ERC2: variants seen among roughly 807,000 people sequenced by gnomAD.
The protein encoded by ERC2 is ERC protein 2.
ERC2 carries 42 observed loss-of-function variants against 114.8 expected under a neutral mutation model. The ratio of observed to expected loss-of-function variants is 0.37; its 90% confidence interval spans 0.29 to 0.47. ERC2 has a LOEUF of 0.47. ERC2 is among the 20% of genes least tolerant of loss of function. ERC2 has a pLI of 0.99. For synonymous variants in ERC2, 454 were observed against 425.5 expected, an observed-to-expected ratio of 1.07 and a Z score of -0.82; for missense variants, 939 against 1,150.7, an observed-to-expected ratio of 0.82 and a Z score of 2.66.
chr3:56,410,325 C>T (rs1233962689), intron 2 of ERC2, among the ~76,000 whole-genome samples: 1 of 152,110 alleles, frequency 6.6e-6, no homozygotes, highest in East Asian at 1.9e-4. Flanking sequence ...ATTAAATGTA[C>T]CACACAATAT....
At chr3:55,542,621 A>T (rs1401764359) in intron 17 of ERC2, among the ~76,000 whole-genome samples, 1 of 152,266 alleles carries the variant, frequency 6.6e-6, no homozygotes, top group Non-Finnish European at 1.5e-5. Flanking sequence ...AGAAAAAAGG[A>T]ATATGAAAAG....
chr3:55,613,514 T>C (rs543147355), intron 17 of ERC2, among the ~76,000 whole-genome samples: 3 of 152,118 alleles, frequency 2.0e-5, no homozygotes, highest in African/African-American at 7.2e-5. Flanking sequence ...TTCTTTTAGG[T>C]GGGAGAGGTT....
intron 3 of ERC2, among the ~76,000 whole-genome samples, chr3:56,266,131 A>ATT (rs747696056): frequency 0.19 from 21,204 of 112,174 alleles, 3,563 homozygotes; most frequent in Non-Finnish European, 0.25. Context: ...AAATAACTAG[A>ATT]TTTTTTTTTT....
intron 7 of ERC2, among the ~76,000 whole-genome samples, chr3:56,040,674 AGATAC>A (rs2075126105): frequency 3.0e-5 from 1 of 33,348 alleles, no homozygotes; most frequent in Non-Finnish European, 6.8e-5. Context: ...ATATATAGAT[AGATAC>A]ATATATCTCT....
In ERC2 at chr3:56,200,424, G is replaced by A. The variant is rs1343332501; in HGVS notation, c.1075-26904C>T. On this transcript the variant is annotated intron_variant, in intron 3 of 17. Coordinates refer to ENST00000288221, the MANE Select transcript of ERC2 (RefSeq NM_015576.3). ...CCTCCCAGCTCTAACAAGTTACTCAGATTAATCAGTTCCTCCCACCAGGGC... is the reference window on the plus strand; with the variant it reads ...CCTCCCAGCTCTAACAAGTTACTCAAATTAATCAGTTCCTCCCACCAGGGC... 2.0e-5 allele frequency among the ~76,000 whole-genome samples: 3 copies of A among 151,106 alleles called. No homozygotes were observed. In the East Asian group the frequency reaches 5.8e-4, roughly 29 times the overall value.
chr3:56,273,271 T>TTTTTTTTTTTTTTG (rs1187636050), intron 3 of ERC2, among the ~76,000 whole-genome samples: 1 of 150,864 alleles, frequency 6.6e-6, no homozygotes. Flanking sequence ...TCTTTTTTTT[T>TTTTTTTTTTTTTTG]TTTTTTTGGT....
At chr3:55,990,132 A>G (rs2070943060) in intron 11 of ERC2, among the ~76,000 whole-genome samples, 1 of 152,208 alleles carries the variant, frequency 6.6e-6, no homozygotes, top group Non-Finnish European at 1.5e-5. Flanking sequence ...TCCATCTAAA[A>G]TCACAGTGCT....
chr3:55,770,145 CCAAA>C (rs1315851758), intron 14 of ERC2, among the ~76,000 whole-genome samples: 1 of 152,132 alleles, frequency 6.6e-6, no homozygotes, highest in East Asian at 1.9e-4. Context: ...ATGGCATATC[CCAAA>C]CAGAGGCTGC....
intron 2 of ERC2, among the ~76,000 whole-genome samples, chr3:56,315,138 A>G (rs2056803100): frequency 6.6e-6 from 1 of 152,212 alleles, no homozygotes; most frequent in African/African-American, 2.4e-5. Context: ...ACACATTCCA[A>G]CCAAGATGAA....
intron 14 of ERC2, among the ~76,000 whole-genome samples, chr3:55,866,492 T>C (rs1575925039): frequency 1.3e-5 from 2 of 152,208 alleles, no homozygotes; most frequent in Non-Finnish European, 2.9e-5. Flanking sequence ...ATCACATTTT[T>C]CTTTAGTTAT....
intron 12 of ERC2, among the ~76,000 whole-genome samples, chr3:55,967,562 T>C (rs1183079336): frequency 6.6e-6 from 1 of 152,178 alleles, no homozygotes; most frequent in Admixed American, 6.5e-5. Context: ...AACTTGCCCC[T>C]TTCTCAGCTG....
At chr3:56,079,167 A>G (rs9833446) in intron 7 of ERC2, among the ~76,000 whole-genome samples, 9,982 of 152,202 alleles carry the variant, frequency 0.066, 715 homozygotes, top group African/African-American at 0.18. Context: ...AAAAAGAAAC[A>G]AGTGAAATTC....
chr3:56,307,070 T>C (rs4974133), intron 2 of ERC2, among the ~76,000 whole-genome samples: 4 of 151,950 alleles, frequency 2.6e-5, no homozygotes, highest in African/African-American at 9.7e-5. Context: ...CTGGCCCTGG[T>C]GCAGAGGTGC....
rs75614236 is a variant in ERC2, at chr3:56,456,926, C to T, written c.-141+11322G>A. Among the ~76,000 whole-genome samples, 50 of 150,900 alleles carry T rather than the reference C, an allele frequency of 3.3e-4. No homozygotes were observed. In the East Asian group the frequency reaches 9.6e-3, roughly 29 times the overall value. On this transcript the variant is annotated intron_variant, in intron 1 of 17. Transcript: ENST00000288221. ...TATGAAAGGCAATTTAACAGTGCTA[C>T]TGTATAATGTACAAAAGTGTAAATC...
chr3:55,905,379 TC>T (rs531524632), intron 13 of ERC2, among the ~76,000 whole-genome samples: 108 of 152,144 alleles, frequency 7.1e-4, no homozygotes, highest in African/African-American at 2.4e-3. Flanking sequence ...CCACGCACAT[TC>T]TTCTTTTTAC....
chr3:55,758,757 C>T (rs560283291), intron 14 of ERC2, among the ~76,000 whole-genome samples: 2 of 152,306 alleles, frequency 1.3e-5, no homozygotes, highest in Non-Finnish European at 2.9e-5. Flanking sequence ...GCCAAACCAA[C>T]TCCCTGCAAA....
intron 14 of ERC2, among the ~76,000 whole-genome samples, chr3:55,782,499 T>A (rs1035476326): frequency 3.3e-5 from 5 of 152,224 alleles, no homozygotes; most frequent in African/African-American, 1.2e-4. Context: ...TCACCTTATA[T>A]GTTACAACCC....
At chr3:55,665,563 T>A (rs2061328174) in intron 17 of ERC2, among the ~76,000 whole-genome samples, 1 of 151,836 alleles carries the variant, frequency 6.6e-6, no homozygotes, top group South Asian at 2.1e-4. Context: ...AAGACAGAGA[T>A]CAGAGTGATG....
chr3:55,877,379 A>G (rs1268544677), intron 14 of ERC2, among the ~76,000 whole-genome samples: 1 of 152,216 alleles, frequency 6.6e-6, no homozygotes, highest in Non-Finnish European at 1.5e-5. Flanking sequence ...TGGAAAGACC[A>G]GGTCAGGCGT....
Sources: allele counts gnomAD v4.1 joint callset (sites outside exome capture counted in the v4.1 genomes callset), GRCh38; gene constraint gnomAD v4.1.1; transcripts MANE v1.5; gene names NCBI Gene and HGNC (gene_info 2026-07-23, HGNC 2026-07-21).